The following UBE2V2 variants were observed in gnomAD, a reference collection of about 807,000 sequenced individuals.
UBE2V2 encodes ubiquitin-conjugating enzyme E2 variant 2.
UBE2V2 carries 9 observed loss-of-function variants against 17.2 expected under a neutral mutation model. That is an observed-to-expected ratio of 0.52 (90% CI 0.32 to 0.91). The LOEUF is 0.91. Among genes scored for constraint, UBE2V2 ranks in the 40% least tolerant of loss-of-function variants. The probability of loss-of-function intolerance (pLI) is 0.04; values close to 1 mark genes in which losing one functional copy is unlikely to be tolerated. For missense variants in UBE2V2, 133 were observed against 182.6 expected (o/e 0.73, Z 1.56); for synonymous variants, 61 against 57.5 (o/e 1.06, Z -0.28).
intron 1 of UBE2V2, among the ~76,000 whole-genome samples, chr8:48,037,015 C>T (rs1352341848): frequency 6.6e-6 from 1 of 152,054 alleles, no homozygotes; most frequent in African/African-American, 2.4e-5. Flanking sequence ...CCCGTCTCTA[C>T]TAAAAATACA....
At chr8:48,003,112 A>T in the UBE2V2 span, among the ~76,000 whole-genome samples, 1 of 151,482 alleles carries the variant, frequency 6.6e-6, no homozygotes, top group Non-Finnish European at 1.5e-5. Context: ...TGGGAGGCTG[A>T]GGCAGGAGAA....
intron 3 of UBE2V2, among the ~76,000 whole-genome samples, chr8:48,052,792 G>T (rs984817055): frequency 6.6e-6 from 1 of 152,178 alleles, no homozygotes; most frequent in Non-Finnish European, 1.5e-5. Context: ...GAGTGCTCAA[G>T]GTGCACACTG....
intron 3 of UBE2V2, among the ~76,000 whole-genome samples, chr8:48,054,066 G>C: frequency 6.6e-6 from 1 of 152,158 alleles, no homozygotes; most frequent in South Asian, 2.1e-4. Flanking sequence ...CGGCCTCCCA[G>C]AGTGCTGGGT....
intron 1 of UBE2V2, among the ~76,000 whole-genome samples, chr8:48,021,395 C>T (rs2091304491): frequency 6.6e-6 from 1 of 151,026 alleles, no homozygotes; most frequent in Admixed American, 6.6e-5. Flanking sequence ...TAAGCTCTGC[C>T]TCCCAGGTTC....
At chr8:48,006,913 T>G (rs1352845170), upstream of UBE2V2, among the ~76,000 whole-genome samples, 6 of 152,072 alleles carry the variant, frequency 3.9e-5, no homozygotes, top group African/African-American at 1.4e-4. Context: ...TCTCGCTCTG[T>G]CCCCTAGGCT....
intron 1 of UBE2V2, among the ~76,000 whole-genome samples, chr8:48,020,616 T>C (rs984488441): frequency 6.6e-6 from 1 of 152,202 alleles, no homozygotes; most frequent in African/African-American, 2.4e-5. Flanking sequence ...TCTAGTAGTA[T>C]GTTTTTGATT....
intron 1 of UBE2V2, among the ~76,000 whole-genome samples, chr8:48,017,664 C>T (rs147760757): frequency 6.8e-4 from 103 of 151,872 alleles, no homozygotes; most frequent in African/African-American, 2.2e-3. Flanking sequence ...AGAGCCACCG[C>T]GCCTGCCAGT....
chr8:48,004,573 C>T (rs1487156921), upstream of UBE2V2, among the ~76,000 whole-genome samples: 1 of 143,830 alleles, frequency 7.0e-6, no homozygotes, highest in African/African-American at 2.6e-5. Flanking sequence ...CTCTTGTCAT[C>T]CAGGCTGGAG....
At position 48,008,447 on chromosome 8, in the gene UBE2V2, A is replaced by G. The variant is rs1362460954; in HGVS notation, c.-8A>G. 3 of 1,566,464 alleles carry G rather than the reference A, an allele frequency of 1.9e-6. No homozygotes were observed. Among genetic ancestry groups the G allele is most frequent in the African/African-American group, 2.8e-5 (2 of 70,642 alleles). ...CGTGCGGGCGGCTGCGTCGGGCTGC[A>G]GGAGAAGATGGCGGTCTCCACAGGT... On this transcript the variant is annotated 5_prime_UTR_variant, in exon 1 of 4. Coordinates refer to ENST00000523111, the MANE Select transcript of UBE2V2 (RefSeq NM_003350.3).
intron 1 of UBE2V2, chr8:48,034,940 A>T: frequency 2.3e-6 from 2 of 854,452 alleles, no homozygotes; most frequent in Non-Finnish European, 2.8e-6. Flanking sequence ...CCCTCCCTGC[A>T]GCCTCTCCAG....
At chr8:48,035,443 A>T (rs1203697731) in intron 1 of UBE2V2, among the ~76,000 whole-genome samples, 2 of 151,744 alleles carry the variant, frequency 1.3e-5, no homozygotes, top group Admixed American at 1.3e-4. Context: ...TTCTACTGAT[A>T]AAACAGGTAG....
At chr8:48,015,681 A>G (rs1351506640) in intron 1 of UBE2V2, among the ~76,000 whole-genome samples, 1 of 152,040 alleles carries the variant, frequency 6.6e-6, no homozygotes, top group Non-Finnish European at 1.5e-5. Context: ...GGTAACCACC[A>G]TCTCCTGTCT....
At chr8:48,031,974 A>G (rs1417157552) in intron 1 of UBE2V2, among the ~76,000 whole-genome samples, 6 of 152,146 alleles carry the variant, frequency 3.9e-5, no homozygotes, top group Non-Finnish European at 7.3e-5. Flanking sequence ...GCTATATTTC[A>G]TCAATTCTAA....
rs2091524108 is a variant in UBE2V2 at position 48,049,898 on chromosome 8, C to G, written c.211C>G (p.Pro71Ala). 1.3e-6 allele frequency: 2 copies of G among 1,587,890 alleles called. No individual in the cohort carries two copies. The highest frequency in any genetic ancestry group is 1.2e-5 in the South Asian group (1 of 85,788). The change falls in exon 3 of 4, where the codon CCT becomes GCT. Residue 71 changes from proline to alanine, a missense_variant. Around this residue, in one of 3 missense-constraint regions of UBE2V2, gnomAD observed 92 missense variants for 124.3 expected, o/e 0.74. Transcript: ENST00000523111. ...ATATAGCCTGAAAGTAGAATGTGGACCTAAATACCCAGAAGCTCCTCCGTC... is the reference window on the plus strand; with the variant it reads ...ATATAGCCTGAAAGTAGAATGTGGAGCTAAATACCCAGAAGCTCCTCCGTC... ...RIYSLKVECG[P>A]KYPEAPPSVR... is the part of the protein sequence containing the mutation.
In UBE2V2 at chr8:48,025,095, C is replaced by T. The variant is rs774981585; in HGVS notation, c.16+16625C>T. On this transcript the variant is annotated intron_variant, in intron 1 of 3. Transcript: ENST00000523111. Reference sequence around the variant, plus strand: ...AACTACAGGCGTGTGCCACCACGCCCGGCTAGCTTGTTGTATTTTTAGTAG... The same window carrying T: ...AACTACAGGCGTGTGCCACCACGCCTGGCTAGCTTGTTGTATTTTTAGTAG... 5.3e-5 allele frequency among the ~76,000 whole-genome samples: 8 copies of T among 151,812 alleles called. No homozygotes were observed. In the East Asian group the frequency reaches 5.8e-4, roughly 11 times the overall value.
intron 3 of UBE2V2, among the ~76,000 whole-genome samples, chr8:48,053,146 G>A (rs1250575833): frequency 2.0e-5 from 3 of 152,096 alleles, no homozygotes; most frequent in Non-Finnish European, 4.4e-5. Context: ...GCCTCCCAAA[G>A]TGCTGGGATT....
intron 2 of UBE2V2, chr8:48,049,611 A>AGAATTAATTTTGTAAAATCTCATG (rs2091521604): frequency 3.4e-6 from 1 of 295,228 alleles, no homozygotes; most frequent in East Asian, 6.9e-5. Flanking sequence ...AATACTTTGT[A>AGAATTAATTTTGTAAAATCTCATG]GAATTAATTT....
chr8:48,046,788 TG>T, intron 2 of UBE2V2, among the ~76,000 whole-genome samples: 1 of 151,650 alleles, frequency 6.6e-6, no homozygotes, highest in East Asian at 2.0e-4. Flanking sequence ...TGTGTAGAGA[TG>T]GGGGTCTCAC....
At chr8:48,033,429 T>G (rs1384832066) in intron 1 of UBE2V2, among the ~76,000 whole-genome samples, 2 of 151,742 alleles carry the variant, frequency 1.3e-5, no homozygotes, top group Admixed American at 1.3e-4. Flanking sequence ...CAAGTAATCC[T>G]CCTGCCTTGG....
Sources: allele counts gnomAD v4.1 joint callset (sites outside exome capture counted in the v4.1 genomes callset), GRCh38; gene constraint gnomAD v4.1.1; regional missense constraint gnomAD v4.1.1; transcripts MANE v1.5; gene names NCBI Gene and HGNC (gene_info 2026-07-23, HGNC 2026-07-21).